The following NHS variants were observed in gnomAD, a reference collection of about 807,000 sequenced individuals.
NHS encodes actin remodeling regulator NHS.
NHS carries 5 observed loss-of-function variants against 72.5 expected under a neutral mutation model. That is an observed-to-expected ratio of 0.07 (90% confidence interval 0.04 to 0.14). NHS has a LOEUF of 0.14. Ranked by LOEUF, NHS falls within the 10% of genes least tolerant of loss-of-function variation. The pLI, the probability that NHS is intolerant of heterozygous loss-of-function variation, is 1.00. For missense variants in NHS, 1,072 were observed against 1,355.7 expected (o/e 0.79, Z 3.29); for synonymous variants, 464 against 547.7 (o/e 0.85, Z 2.13).
intron 1 of NHS, among the ~76,000 whole-genome samples, chrX:17,666,287 G>T (rs1022083700): frequency 1.8e-5 from 2 of 112,419 alleles, no homozygotes; most frequent in Non-Finnish European, 3.8e-5. Flanking sequence ...TAGAATGATG[G>T]ATTGGTGAAA....
intron 1 of NHS, among the ~76,000 whole-genome samples, chrX:17,621,101 G>T (rs143621256): frequency 8.9e-6 from 1 of 112,386 alleles, no homozygotes; most frequent in Non-Finnish European, 1.9e-5. Flanking sequence ...CCAGATGAAG[G>T]CCTGACTACG....
chrX:17,609,576 C>T (rs954574669), intron 1 of NHS, among the ~76,000 whole-genome samples: 7 of 111,701 alleles, frequency 6.3e-5, no homozygotes, highest in South Asian at 7.5e-4. Flanking sequence ...TTGACTTAAT[C>T]CTGTAAATAA....
intron 1 of NHS, among the ~76,000 whole-genome samples, chrX:17,675,224 A>G (rs2066072768): frequency 8.9e-6 from 1 of 112,365 alleles, no homozygotes; most frequent in Non-Finnish European, 1.9e-5. Flanking sequence ...AAAAACAAAA[A>G]GAAATCTAAA....
intron 3 of NHS, among the ~76,000 whole-genome samples, chrX:17,712,361 TACACACACACAC>T (rs745619023): frequency 1.0e-4 from 8 of 77,087 alleles, no homozygotes; most frequent in African/African-American, 2.2e-4. Context: ...CACATTTGTA[TACACACACACAC>T]ACACACACAC....
intron 1 of NHS, among the ~76,000 whole-genome samples, chrX:17,578,190 T>C (rs1211262872): frequency 8.9e-6 from 1 of 112,768 alleles, no homozygotes; most frequent in African/African-American, 3.2e-5. Context: ...AATGATGTTC[T>C]TTAATTATGC....
chrX:17,627,023 G>A (rs1468793480), intron 1 of NHS, among the ~76,000 whole-genome samples: 3 of 112,026 alleles, frequency 2.7e-5, no homozygotes, highest in Non-Finnish European at 5.6e-5. Context: ...GTTTGTCATT[G>A]AATGGGCAAA....
At chrX:17,511,897 G>A (rs2065090524) in intron 1 of NHS, among the ~76,000 whole-genome samples, 1 of 110,837 alleles carries the variant, frequency 9.0e-6, no homozygotes, top group Non-Finnish European at 1.9e-5. Flanking sequence ...ATTACCCCAG[G>A]AGCAGCCCTC....
intron 1 of NHS, among the ~76,000 whole-genome samples, chrX:17,589,782 G>A (rs1306697313): frequency 8.9e-6 from 1 of 111,825 alleles, no homozygotes; most frequent in Non-Finnish European, 1.9e-5. Context: ...GGTTATACTA[G>A]TTTACATTCC....
chrX:17,547,963 G>A (rs1280268879), intron 1 of NHS, among the ~76,000 whole-genome samples: 2 of 111,823 alleles, frequency 1.8e-5, no homozygotes, highest in African/African-American at 6.5e-5. Context: ...GGTGGTGGAA[G>A]GGCCTGCAGA....
intron 1 of NHS, among the ~76,000 whole-genome samples, chrX:17,511,018 C>G (rs773360245): frequency 8.9e-6 from 1 of 111,801 alleles, no homozygotes; most frequent in Non-Finnish European, 1.9e-5. Context: ...CTGTGTTCAG[C>G]CATGGGTGGT....
intron 1 of NHS, among the ~76,000 whole-genome samples, chrX:17,595,344 G>A (rs910073005): frequency 6.3e-5 from 7 of 111,885 alleles, no homozygotes; most frequent in Admixed American, 1.9e-4. Flanking sequence ...TCTCAGCTGA[G>A]ATTTAATGTG....
At chrX:17,470,300 G>C (rs1254284353) in intron 1 of NHS, among the ~76,000 whole-genome samples, 1 of 110,574 alleles carries the variant, frequency 9.0e-6, no homozygotes, top group African/African-American at 3.3e-5. Context: ...CTACTCCCAC[G>C]CACTGCCCGT....
At chrX:17,522,080 C>T (rs1177875421) in intron 1 of NHS, among the ~76,000 whole-genome samples, 6 of 111,864 alleles carry the variant, frequency 5.4e-5, no homozygotes, top group African/African-American at 2.0e-4. Flanking sequence ...GCATGAGGCC[C>T]AGGCTTGGAA....
chrX:17,704,047 C>A (rs1230477826), intron 3 of NHS, among the ~76,000 whole-genome samples: 1 of 111,487 alleles, frequency 9.0e-6, no homozygotes, highest in Non-Finnish European at 1.9e-5. Context: ...TGTGGAGAAT[C>A]ACAGGCCAGA....
intron 1 of NHS, among the ~76,000 whole-genome samples, chrX:17,435,074 C>A (rs973311850): frequency 8.0e-5 from 9 of 111,982 alleles, no homozygotes; most frequent in Non-Finnish European, 1.7e-4. Context: ...ATGTGCCAGG[C>A]AGAGGGAAAA....
intron 1 of NHS, among the ~76,000 whole-genome samples, chrX:17,656,987 G>A (rs1040140992): frequency 8.8e-6 from 1 of 113,233 alleles, no homozygotes; most frequent in Non-Finnish European, 1.9e-5. Flanking sequence ...CTGTGATGCT[G>A]TAAGGCAAAT....
intron 1 of NHS, among the ~76,000 whole-genome samples, chrX:17,589,669 T>C (rs1048925564): frequency 3.6e-5 from 4 of 111,174 alleles, no homozygotes; most frequent in African/African-American, 1.3e-4. Context: ...CTTTTTCATA[T>C]GACTTATTTT....
intron 3 of NHS, among the ~76,000 whole-genome samples, chrX:17,699,926 A>G (rs1442933057): frequency 8.9e-6 from 1 of 112,097 alleles, no homozygotes; most frequent in Non-Finnish European, 1.9e-5. Context: ...TTGCATGCCC[A>G]AACACCGTAA....
At chrX:17,391,975 T>G (rs940086886) in intron 1 of NHS, among the ~76,000 whole-genome samples, 1 of 112,004 alleles carries the variant, frequency 8.9e-6, no homozygotes, top group Non-Finnish European at 1.9e-5. Flanking sequence ...AGAGAATGCC[T>G]AGGTGTTCAC....
Sources: allele counts gnomAD v4.1 joint callset (sites outside exome capture counted in the v4.1 genomes callset), GRCh38; gene constraint gnomAD v4.1.1; transcripts MANE v1.5; gene names NCBI Gene and HGNC (gene_info 2026-07-23, HGNC 2026-07-21).